Variants in PLPP2 observed in about 807,000 individuals in gnomAD.
PLPP2 encodes the protein PAP2-gamma.
PLPP2 carries 29 observed loss-of-function variants against 35.2 expected under a neutral mutation model. The observed-to-expected ratio is 0.82, with a 90% confidence interval of 0.61 to 1.12. The LOEUF (loss-of-function observed/expected upper bound fraction) is 1.12, where lower values mean the gene tolerates loss of function less well. PLPP2 is among the 50% of genes most tolerant of loss of function. PLPP2 has a pLI of 0.00. For synonymous variants in PLPP2, 162 were observed against 167.0 expected (o/e 0.97, Z 0.23); for missense variants, 353 against 375.2 (o/e 0.94, Z 0.49).
At position 281,843 on chromosome 19, in the gene PLPP2, C is replaced by G. The variant is rs1970179477; in HGVS notation, c.717+291G>C. 3 of 424,838 alleles carry G rather than the reference C, an allele frequency of 7.1e-6. No individual in the cohort carries two copies. In the Admixed American group the frequency reaches 1.2e-4, roughly 18 times the overall value. 26.3% of individuals were successfully genotyped at this position (424,838 alleles called of 1,614,324 possible). On this transcript the variant is annotated intron_variant, in intron 5 of 5. Coordinates refer to ENST00000434325, the MANE Select transcript of PLPP2 (RefSeq NM_003712.4). ...GAGGAATGGGGGCATGGAGGGGGGT[C>G]CAGGGAAGGACTGGGATTGGGGGGA...
At position 287,409 on chromosome 19, in the gene PLPP2, T is replaced by A; in HGVS notation, c.482+65A>T. ...CAGCTGCCTGCTGGCTCTTCATGAT[T>A]TGGCTCCAGGGCCTTCTTCAGCTCC... On this transcript the variant is annotated intron_variant, in intron 3 of 5. Coordinates refer to ENST00000434325, the MANE Select transcript of PLPP2 (RefSeq NM_003712.4). The surrounding 1 kb of genome is among the most constrained non-coding windows in gnomAD (Gnocchi z 4.3). The A allele has an allele frequency of 6.5e-7, 1 of 1,543,428 alleles. No homozygotes were observed. Among genetic ancestry groups the A allele is most frequent in the Non-Finnish European group, 8.7e-7 (1 of 1,143,768 alleles).
chr19:288,092 C>A lies in PLPP2; in HGVS notation c.132G>T (p.Arg44=), dbSNP rs751665057. ...TGATGGTATCTGGACGGTAGGGGTA[C>A]CGGATGGAGTCATCCCCGCAGTAAA... ...RGFYCGDDSI[R]YPYRPDTITH... Residue 44 remains arginine, a synonymous_variant, in exon 2 of 6, where the codon CGG becomes CGT. Coordinates refer to ENST00000434325, the MANE Select transcript of PLPP2 (RefSeq NM_003712.4). 28 of 1,613,524 alleles carry A rather than the reference C, an allele frequency of 1.7e-5. No individual in the cohort carries two copies. The East Asian group carries it at 6.2e-4, about 36-fold the overall frequency.
At position 282,241 on chromosome 19, in the gene PLPP2, C is replaced by T; in HGVS notation, c.610G>A (p.Val204Met). ...LLRPTVQFFL[V>M]AFALYVGYTR... Reference sequence around the variant, plus strand: ...TAGCCCACGTAGAGGGCAAAGGCCACCAGGAAGAACTGGACTGTGGGTCGC... The same window carrying T: ...TAGCCCACGTAGAGGGCAAAGGCCATCAGGAAGAACTGGACTGTGGGTCGC... Residue 204 changes from valine (V) to methionine (M), a missense_variant, in exon 5 of 6, where the codon GTG becomes ATG. Val to Met is a conservative substitution (Grantham distance 21). Coordinates refer to ENST00000434325, the MANE Select transcript of PLPP2 (RefSeq NM_003712.4). 1 of 1,613,866 alleles carries T rather than the reference C, an allele frequency of 6.2e-7. No individual in the cohort carries two copies. Among genetic ancestry groups the T allele is most frequent in the South Asian group, 1.1e-5 (1 of 91,088 alleles).
chr19:287,120 A>C lies in PLPP2; in HGVS notation c.482+354T>G, dbSNP rs980228334. On this transcript the variant is annotated intron_variant, in intron 3 of 5. Transcript: ENST00000434325. The surrounding 1 kb of genome is among the most constrained non-coding windows in gnomAD (Gnocchi z 4.3). Reference sequence around the variant, plus strand: ...ACAATAACAAAAAGAGAACCAGAATAGCTATGTTAATATCAGACAAAACAG... The same window carrying C: ...ACAATAACAAAAAGAGAACCAGAATCGCTATGTTAATATCAGACAAAACAG... 1 of 212,994 alleles carries C rather than the reference A, an allele frequency of 4.7e-6. No individual in the cohort carries two copies. The highest frequency in any genetic ancestry group is 9.4e-6 in the Non-Finnish European group (1 of 106,054). The allele number at this position is 212,994 out of a possible 1,614,324, so 13.2% of individuals were successfully genotyped here.
At chr19:286,778 A>G (rs1970277782) in intron 3 of PLPP2, 1 of 152,140 alleles carries the variant, frequency 6.6e-6, no homozygotes, top group African/African-American at 2.4e-5. Flanking sequence ...CCTGGGCAAT[A>G]TGGCAAAACC....
chr19:288,258 C>G, intron 1 of PLPP2, 87 bp from the exon 2 acceptor site: 5 of 1,360,724 alleles, frequency 3.7e-6, no homozygotes, highest in Non-Finnish European at 5.0e-6. Context: ...GCCTGGAGGC[C>G]TCCCACCTCT....
At position 281,436 on chromosome 19, in the gene PLPP2, C is replaced by T; in HGVS notation, c.819G>A (p.Leu273=). 1 of 1,543,258 alleles carries T rather than the reference C, an allele frequency of 6.5e-7. No individual in the cohort carries two copies. The highest frequency in any genetic ancestry group is 8.7e-7 in the Non-Finnish European group (1 of 1,143,522). The change falls in exon 6 of 6, where the codon CTG becomes CTA. Residue 273 remains leucine (L), a synonymous_variant. Transcript: ENST00000434325. The part of the protein sequence containing the change: ...RKPSLSLTLT[L]GEADHNHYGY... ...CATAGTGGTTGTGGTCAGCCTCGCC[C>T]AGGGTCAACGTCAGTGACAGGCTGG...
At position 281,169 on chromosome 19, in the gene PLPP2, G is replaced by A. The variant is rs1044446679; in HGVS notation, c.*219C>T. ...AAGAAGGGGATATTTGGGGACCGAC[G>A]GGAACAGGTTCCCCTCCAAATGCTG... On this transcript the variant is annotated 3_prime_UTR_variant, in exon 6 of 6. Transcript: ENST00000434325. 4.2e-5 allele frequency: 17 copies of A among 404,414 alleles called. No individual in the cohort carries two copies. Among genetic ancestry groups the A allele is most frequent in the East Asian group, 1.1e-4 (3 of 27,610 alleles). 25.1% of individuals were successfully genotyped at this position (404,414 alleles called of 1,614,324 possible).
chr19:287,673 C>A lies in PLPP2; in HGVS notation c.283G>T (p.Val95Leu), dbSNP rs1444568698. ...RSDFNNYVAA[V>L]YKVLGTFLFG... ...AGGAAGGTCCCCAGCACCTTGTATA[C>A]AGCAGCCACGTAGTTGTTGAAGTCC... The change falls in exon 3 of 6, where the codon GTA (valine) becomes TTA (leucine). Residue 95 changes from valine to leucine, a missense_variant. Transcript: ENST00000434325. This position sits in a 1 kb window ranked among gnomAD's most constrained non-coding sequence, Gnocchi z 4.3. The A allele has an allele frequency of 1.9e-6, 3 of 1,613,962 alleles. No individual in the cohort carries two copies. The Admixed American group carries it at 5.0e-5, about 27-fold the overall frequency.
At chr19:285,644 G>A (rs1400112224) in intron 3 of PLPP2, 1 of 148,808 alleles carries the variant, frequency 6.7e-6, no homozygotes, top group African/African-American at 2.5e-5. Flanking sequence ...ATTCAGCCTG[G>A]CCGAAAAAAA....
intron 1 of PLPP2, 131 bp downstream of exon 1, chr19:291,154 G>A: frequency 6.8e-7 from 1 of 1,473,940 alleles, no homozygotes; most frequent in Non-Finnish European, 9.0e-7. Context: ...CTCACGCGAG[G>A]TCCCCGCCTC....
chr19:281,980 G>T, intron 5 of PLPP2, 154 bp downstream of exon 5: 1 of 800,274 alleles, frequency 1.2e-6, no homozygotes, highest in Non-Finnish European at 2.0e-6. Flanking sequence ...TAAAGGGAAG[G>T]ACTGGGGTTG....
intron 3 of PLPP2, chr19:283,782 GA>G (rs2145268611): frequency 6.6e-6 from 1 of 152,316 alleles, no homozygotes. Context: ...CGGAAGGGCT[GA>G]CCCCACATGC....
chr19:290,364 T>C (rs1970362236), intron 1 of PLPP2, among the ~76,000 whole-genome samples: 1 of 152,176 alleles, frequency 6.6e-6, no homozygotes, highest in African/African-American at 2.4e-5. Flanking sequence ...CCTAAATGTT[T>C]ACATAAATAA....
chr19:282,240 A>G lies in PLPP2; in HGVS notation c.611T>C (p.Val204Ala). ...LLRPTVQFFL[V>A]AFALYVGYTR... ...GTAGCCCACGTAGAGGGCAAAGGCC[A>G]CCAGGAAGAACTGGACTGTGGGTCG... is the stretch of plus-strand genomic sequence containing the variant. Residue 204 changes from valine (V) to alanine (A), a missense_variant, in exon 5 of 6, where the codon GTG (valine) becomes GCG (alanine). Coordinates refer to ENST00000434325, the MANE Select transcript of PLPP2 (RefSeq NM_003712.4). 3.1e-6 allele frequency: 5 copies of G among 1,613,886 alleles called. No homozygotes were observed. Among genetic ancestry groups the G allele is most frequent in the Non-Finnish European group, 4.2e-6 (5 of 1,179,904 alleles).
intron 1 of PLPP2, among the ~76,000 whole-genome samples, chr19:288,954 G>A (rs1446276593): frequency 6.6e-6 from 1 of 152,196 alleles, no homozygotes; most frequent in Non-Finnish European, 1.5e-5. Context: ...GCCAAGGAAG[G>A]GCACAGCTGA....
Position 282,202 on chromosome 19 carries a change from C to G in PLPP2, c.649G>C (p.Asp217His). 6.2e-7 allele frequency: 1 copy of G among 1,613,888 alleles called. No homozygotes were observed. Among genetic ancestry groups the G allele is most frequent in the East Asian group, 2.2e-5 (1 of 44,874 alleles). Residue 217 changes from aspartate to histidine, a missense_variant, in exon 5 of 6, where the codon GAT (aspartate) becomes CAT (histidine). Physicochemically the swap from Asp to His is moderately conservative, Grantham distance 81. Coordinates refer to ENST00000434325, the MANE Select transcript of PLPP2 (RefSeq NM_003712.4). Reference protein sequence around the residue: ...ALYVGYTRVSDYKHHWSDVLV... With the variant: ...ALYVGYTRVSHYKHHWSDVLV... ...ACATCGCTCCAGTGGTGTTTGTAAT[C>G]AGACACGCGGGTGTAGCCCACGTAG...
intron 1 of PLPP2, 98 bp downstream of exon 1, chr19:291,187 G>A: frequency 4.5e-6 from 7 of 1,571,492 alleles, no homozygotes; most frequent in Admixed American, 3.6e-5. Context: ...AGGGACGAGG[G>A]CGCGCAGCCT....
At position 287,829 on chromosome 19, in the gene PLPP2, A is replaced by G. The variant is rs1247628344; in HGVS notation, c.205-78T>C. ...TCACTCCTCCGCACGGGCCTCCCCA[A>G]GGCTGCTGGAGAGCTGGGGACTCTG... is the stretch of plus-strand genomic sequence containing the variant. On this transcript the variant is annotated intron_variant, in intron 2 of 5. Transcript: ENST00000434325. The surrounding 1 kb of genome is among the most constrained non-coding windows in gnomAD (Gnocchi z 4.3). 6.4e-7 allele frequency: 1 copy of G among 1,559,438 alleles called. No individual in the cohort carries two copies. The highest frequency in any genetic ancestry group is 1.4e-5 in the African/African-American group (1 of 73,584).
Sources: allele counts gnomAD v4.1 joint callset (sites outside exome capture counted in the v4.1 genomes callset), GRCh38; gene constraint gnomAD v4.1.1; non-coding constraint Gnocchi (gnomAD v3.1); transcripts MANE v1.5; gene names NCBI Gene and HGNC (gene_info 2026-07-23, HGNC 2026-07-21).